Variants in AGAP1 observed in about 807,000 individuals in gnomAD.
AGAP1 encodes ArfGAP with GTPase domain, ankyrin repeat and PH domain 1, also known as arf-GAP with GTPase, ANK repeat and PH domain-containing protein 1.
Under a neutral mutation model 105.3 loss-of-function variants are expected in AGAP1, and 29 were observed. The ratio of observed to expected loss-of-function variants is 0.28; its 90% CI spans 0.21 to 0.38. The LOEUF is 0.38. AGAP1 is among the 10% of genes least tolerant of loss of function. The pLI is 1.00. For missense variants in AGAP1, 998 were observed against 1,165.1 expected (o/e 0.86, Z 2.09); for synonymous variants, 509 against 485.9 (o/e 1.05, Z -0.63).
At chr2:235,998,980 G>A (rs1016589834) in intron 13 of AGAP1, among the ~76,000 whole-genome samples, 39 of 151,296 alleles carry the variant, frequency 2.6e-4, no homozygotes, top group Non-Finnish European at 4.3e-4. Flanking sequence ...TGGTGGTGAC[G>A]GGGTAGTGGT....
Position 235,535,697 on chromosome 2 carries a change from A to C in AGAP1, c.163+40848A>C, listed in dbSNP as rs1229287429. Among the ~76,000 whole-genome samples the C allele has an allele frequency of 6.6e-6, 1 of 151,824 alleles. No homozygotes were observed. Among genetic ancestry groups the C allele is most frequent in the East Asian group, 1.9e-4 (1 of 5,130 alleles). ...TTTGCCATTCAAGCCACTCACTTTC[A>C]TTTTCTATAGAAAAGCCTTTCTGCC... On this transcript the variant is annotated intron_variant, in intron 1 of 17. Transcript: ENST00000304032. The surrounding 1 kb of genome is among the most constrained non-coding windows in gnomAD (Gnocchi z 5.1).
chr2:235,599,874 G>A lies in AGAP1; in HGVS notation c.163+105025G>A, dbSNP rs1490991249. Among the ~76,000 whole-genome samples the A allele has an allele frequency of 2.0e-5, 3 of 152,202 alleles. No individual in the cohort carries two copies. Among genetic ancestry groups the A allele is most frequent in the Admixed American group, 6.5e-5 (1 of 15,282 alleles). ...TGGTGGAGGCAATGCTGGTACCCAC[G>A]ACGTGGAGCCCTGAAGGATGAGGAA... On this transcript the variant is annotated intron_variant, in intron 1 of 17. Coordinates refer to ENST00000304032, the MANE Select transcript of AGAP1 (RefSeq NM_001037131.3). The surrounding 1 kb of genome is among the most constrained non-coding windows in gnomAD (Gnocchi z 5.3).
chr2:236,014,855 T>A lies in AGAP1; in HGVS notation c.1646-21706T>A, dbSNP rs1027197810. ...CCGTGTTGGTAGCCTGCGAAATATA[T>A]ACAGCAGCAGCACCAACACTGAAGG... On this transcript the variant is annotated intron_variant, in intron 13 of 17. Coordinates refer to ENST00000304032, the MANE Select transcript of AGAP1 (RefSeq NM_001037131.3). The surrounding 1 kb of genome is among the most constrained non-coding windows in gnomAD (Gnocchi z 6.3). The A allele has an allele frequency of 8.8e-6, 4 of 454,656 alleles. No individual in the cohort carries two copies. Among genetic ancestry groups the A allele is most frequent in the Admixed American group, 2.6e-5 (1 of 39,160 alleles). The allele number at this position is 454,656 out of a possible 1,614,324, so 28.2% of individuals were successfully genotyped here. A position where few individuals can be genotyped will look rare whatever the true frequency, so the allele number is the denominator to read the frequency against.
intron 8 of AGAP1, among the ~76,000 whole-genome samples, chr2:235,802,691 GTGA>G (rs1391178222): frequency 5.3e-5 from 8 of 150,766 alleles, no homozygotes; most frequent in East Asian, 3.9e-4. Context: ...GGTTGTGGTG[GTGA>G]TGATGGTTGT....
intron 4 of AGAP1, among the ~76,000 whole-genome samples, chr2:235,743,059 T>C (rs983435959): frequency 6.6e-6 from 1 of 152,248 alleles, no homozygotes; most frequent in African/African-American, 2.4e-5. Context: ...CCTAGCTGTT[T>C]GGGAGGCTGA....
chr2:236,112,272 C>T (rs550587453), intron 16 of AGAP1, among the ~76,000 whole-genome samples: 3 of 152,202 alleles, frequency 2.0e-5, no homozygotes, highest in East Asian at 3.9e-4. Context: ...AAAAATTAGC[C>T]GGACGTGGTG....
intron 2 of AGAP1, among the ~76,000 whole-genome samples, chr2:235,713,022 T>G (rs967385133): frequency 6.6e-6 from 1 of 152,200 alleles, no homozygotes; most frequent in Non-Finnish European, 1.5e-5. Context: ...ACCAAACCCC[T>G]TCCCACTCCA....
Position 236,108,822 on chromosome 2 carries a change from T to G in AGAP1, c.2115-11370T>G, listed in dbSNP as rs535328898. On this transcript the variant is annotated intron_variant, in intron 16 of 17. Coordinates refer to ENST00000304032, the MANE Select transcript of AGAP1 (RefSeq NM_001037131.3). Reference sequence around the variant, plus strand: ...CACACACAGCGGCCCCTGTGAGGACTGAGGTGGACGTCTGGCTGCCCGCTC... The same window carrying G: ...CACACACAGCGGCCCCTGTGAGGACGGAGGTGGACGTCTGGCTGCCCGCTC... 1.4e-3 allele frequency among the ~76,000 whole-genome samples: 214 copies of G among 152,078 alleles called. 2 individuals are homozygous for G. The highest frequency in any genetic ancestry group is 5.0e-3 in the African/African-American group (209 of 41,478).
At chr2:235,880,576 C>CA (rs57466604) in intron 9 of AGAP1, among the ~76,000 whole-genome samples, 56,053 of 142,210 alleles carry the variant, frequency 0.39, 10,968 homozygotes, top group South Asian at 0.65. Flanking sequence ...ACTAAAAATA[C>CA]AAAAAAAAAA....
At chr2:235,768,872 A>G (rs1208366518) in intron 6 of AGAP1, among the ~76,000 whole-genome samples, 1 of 152,180 alleles carries the variant, frequency 6.6e-6, no homozygotes, top group Non-Finnish European at 1.5e-5. Context: ...CCTCTCTCTG[A>G]TTCATCGAGT....
At position 236,078,326 on chromosome 2, in the gene AGAP1, G is replaced by C. The variant is rs1295897946; in HGVS notation, c.2114+29045G>C. On this transcript the variant is annotated intron_variant, in intron 16 of 17. Coordinates refer to ENST00000304032, the MANE Select transcript of AGAP1 (RefSeq NM_001037131.3). This position sits in a 1 kb window ranked among gnomAD's most constrained non-coding sequence, Gnocchi z 5.3. ...TTGGGCTCTCACCTGATGGGATGAGGCCCACCTGCTTTCTCAAGGATAATT... is the reference window on the plus strand; with the variant it reads ...TTGGGCTCTCACCTGATGGGATGAGCCCCACCTGCTTTCTCAAGGATAATT... Among the ~76,000 whole-genome samples the C allele has an allele frequency of 1.3e-5, 2 of 152,072 alleles. No individual in the cohort carries two copies. The highest frequency in any genetic ancestry group is 4.8e-5 in the African/African-American group (2 of 41,410).
In AGAP1 at chr2:236,127,946, A is replaced by G. The variant is rs13016937; in HGVS notation, c.*3824A>G. On this transcript the variant is annotated 3_prime_UTR_variant, in exon 18 of 18. Transcript: ENST00000304032. This position sits in a 1 kb window ranked among gnomAD's most constrained non-coding sequence, Gnocchi z 6.6. ...ACCTGGCCCAGGGGATGCTGGGAGA[A>G]CAGGAGCACTTGTTAATAACAGAAA... 19,102 of 152,370 alleles carry G rather than the reference A, an allele frequency of 0.13. 1,605 individuals carry two copies. Among genetic ancestry groups the G allele is most frequent in the Middle Eastern group, 0.2 (60 of 296 alleles). 9.4% of individuals were successfully genotyped at this position (152,370 alleles called of 1,614,324 possible). A position where few individuals can be genotyped will look rare whatever the true frequency, so the allele number is the denominator to read the frequency against.
chr2:235,549,891 G>T lies in AGAP1; in HGVS notation c.163+55042G>T, dbSNP rs1391862823. On this transcript the variant is annotated intron_variant, in intron 1 of 17. Transcript: ENST00000304032. The surrounding 1 kb of genome is among the most constrained non-coding windows in gnomAD (Gnocchi z 4.2). ...GTGGGAGGACTCGCCCTGCGCAGGTGGAGGGTGATGAGAGGCTGGGGACGT... is the reference window on the plus strand; with the variant it reads ...GTGGGAGGACTCGCCCTGCGCAGGTTGAGGGTGATGAGAGGCTGGGGACGT... Among the ~76,000 whole-genome samples the T allele has an allele frequency of 6.6e-6, 1 of 152,188 alleles. No individual in the cohort carries two copies. Among genetic ancestry groups the T allele is most frequent in the Non-Finnish European group, 1.5e-5 (1 of 68,032 alleles).
At chr2:235,829,502 A>C (rs536686670) in intron 9 of AGAP1, among the ~76,000 whole-genome samples, 10 of 152,344 alleles carry the variant, frequency 6.6e-5, no homozygotes, top group South Asian at 6.2e-4. Flanking sequence ...AATCCTGGCC[A>C]AATGTATACT....
intron 10 of AGAP1, among the ~76,000 whole-genome samples, chr2:235,899,576 C>T (rs1194522444): frequency 6.6e-6 from 1 of 152,190 alleles, no homozygotes; most frequent in Non-Finnish European, 1.5e-5. Flanking sequence ...CCAAAGAAAT[C>T]TGAAGTTTTA....
chr2:235,885,052 A>G (rs1411180708), intron 10 of AGAP1, among the ~76,000 whole-genome samples: 2 of 152,226 alleles, frequency 1.3e-5, no homozygotes, highest in Non-Finnish European at 2.9e-5. Context: ...GCTTTGTAAA[A>G]TGGCACAGTT....
chr2:235,966,061 A>G (rs1217990019), intron 12 of AGAP1, among the ~76,000 whole-genome samples: 11 of 96,050 alleles, frequency 1.1e-4, no homozygotes, highest in South Asian at 4.0e-4. Flanking sequence ...AGGAGAGGGG[A>G]GCCCGTTCCT....
intron 1 of AGAP1, chr2:235,671,091 A>C: frequency 2.4e-6 from 3 of 1,256,622 alleles, no homozygotes; most frequent in Middle Eastern, 3.1e-4. Context: ...CGGGACGGGA[A>C]GGGGCGTGGT....
At chr2:235,667,936 C>A (rs1026409369) in intron 1 of AGAP1, among the ~76,000 whole-genome samples, 1 of 117,774 alleles carries the variant, frequency 8.5e-6, no homozygotes, top group East Asian at 2.5e-4. Flanking sequence ...CCCGACTGGG[C>A]AAGAGCGAGT....
Sources: gnomAD v4.1 joint callset for allele counts (sites outside exome capture counted in the v4.1 genomes callset) on GRCh38, gnomAD v4.1.1 for gene constraint, Gnocchi (gnomAD v3.1) non-coding constraint, MANE v1.5 for transcripts, NCBI Gene and HGNC (gene_info 2026-07-23, HGNC 2026-07-21) for gene names.